The following DENND3 variants were observed in gnomAD, a reference collection of about 807,000 sequenced individuals.
DENND3 encodes the protein DENN domain-containing protein 3.
In DENND3, 88 loss-of-function variants were observed where a neutral mutation model predicts 135.1. That is an observed-to-expected ratio of 0.65 (90% CI 0.55 to 0.78). DENND3 has a LOEUF of 0.78. DENND3 is among the 30% of genes least tolerant of loss of function. The probability of loss-of-function intolerance (pLI) is 0.00; values close to 1 mark genes in which losing one functional copy is unlikely to be tolerated. For synonymous variants in DENND3, 693 were observed against 712.3 expected (o/e 0.97, Z 0.43); for missense variants, 1,392 against 1,688.4 (o/e 0.82, Z 3.08).
In DENND3 at chr8:141,167,272, C is replaced by T. The variant is rs1820930648; in HGVS notation, c.1754-732C>T. On this transcript the variant is annotated intron_variant, in intron 12 of 22. Transcript: ENST00000519811. The surrounding 1 kb of genome is among the most constrained non-coding windows in gnomAD (Gnocchi z 4.1). ...CCTCCCTGGTTCTGCAGTTCCTCTT[C>T]TGAACATCTGTCAGTCTGCCGCTGG... Among the ~76,000 whole-genome samples the T allele has an allele frequency of 6.6e-6, 1 of 152,226 alleles. No homozygotes were observed. Among genetic ancestry groups the T allele is most frequent in the Non-Finnish European group, 1.5e-5 (1 of 68,042 alleles).
chr8:141,148,940 C>A (rs1309781131), intron 5 of DENND3, among the ~76,000 whole-genome samples: 1 of 147,180 alleles, frequency 6.8e-6, no homozygotes, highest in Non-Finnish European at 1.5e-5. Flanking sequence ...AGAGGAGTTT[C>A]GCTCTTGTTG....
In DENND3 at chr8:141,175,072, CCT is replaced by C; in HGVS notation, c.2276-127_2276-126del. On this transcript the variant is annotated intron_variant, in intron 13 of 22. Transcript: ENST00000519811. The surrounding 1 kb of genome is among the most constrained non-coding windows in gnomAD (Gnocchi z 5.4). Reference sequence around the variant, plus strand: ...CTTCTAGGCAGTTTCCATCCAGCGCCCTGAGTGCTGGCGCCACCTGCTGCCGG... The same window carrying C: ...CTTCTAGGCAGTTTCCATCCAGCGCCGAGTGCTGGCGCCACCTGCTGCCGG... 9.0e-7 allele frequency: 1 copy of C among 1,110,662 alleles called. No homozygotes were observed. The highest frequency in any genetic ancestry group is 2.4e-5 in the East Asian group (1 of 42,366). 68.8% of individuals were successfully genotyped at this position (1,110,662 alleles called of 1,614,324 possible).
At position 141,141,165 on chromosome 8, in the gene DENND3, G is replaced by T; in HGVS notation, c.502-38G>T. On this transcript the variant is annotated intron_variant, in intron 3 of 22. Transcript: ENST00000519811. The surrounding 1 kb of genome is among the most constrained non-coding windows in gnomAD (Gnocchi z 5.3). Reference sequence around the variant, plus strand: ...GGAAACAGATACTGGAATTGCCAAGGTGGGGAGGTGACCATGTCGCTGTTG... The same window carrying T: ...GGAAACAGATACTGGAATTGCCAAGTTGGGGAGGTGACCATGTCGCTGTTG... 1.2e-6 allele frequency: 2 copies of T among 1,613,978 alleles called. No homozygotes were observed. Among genetic ancestry groups the T allele is most frequent in the Non-Finnish European group, 1.7e-6 (2 of 1,179,948 alleles).
intron 2 of DENND3, 133 bp downstream of exon 2, chr8:141,136,924 G>A: frequency 1.3e-6 from 1 of 746,886 alleles, no homozygotes; most frequent in Non-Finnish European, 1.9e-6. Flanking sequence ...GCCTCCTCTT[G>A]TGGGATTTAG....
At chr8:141,143,204 C>T (rs533423247) in intron 4 of DENND3, among the ~76,000 whole-genome samples, 195 of 152,096 alleles carry the variant, frequency 1.3e-3, no homozygotes, top group African/African-American at 4.7e-3. Flanking sequence ...TATGTCTCCA[C>T]GTGGACAAAA....
chr8:141,158,290 A>G, intron 8 of DENND3: 2 of 1,285,870 alleles, frequency 1.6e-6, no homozygotes, highest in South Asian at 1.2e-5. Context: ...ACTTTCTGGT[A>G]AGCCACAGCT....
At chr8:141,188,852 A>G in intron 18 of DENND3, 134 bp from the exon 19 acceptor site, 3 of 1,216,714 alleles carry the variant, frequency 2.5e-6, no homozygotes, top group Non-Finnish European at 2.2e-6. Flanking sequence ...GGCTCCCAGG[A>G]CCCTGAGCCG....
intron 4 of DENND3, among the ~76,000 whole-genome samples, chr8:141,143,466 G>A (rs369258557): frequency 5.3e-5 from 8 of 152,112 alleles, no homozygotes; most frequent in East Asian, 1.9e-4. Flanking sequence ...GTGCAGTGCC[G>A]CTATCATAGC....
At position 141,175,097 on chromosome 8, in the gene DENND3, C is replaced by T. The variant is rs1822157984; in HGVS notation, c.2276-103C>T. On this transcript the variant is annotated intron_variant, in intron 13 of 22. Transcript: ENST00000519811. The surrounding 1 kb of genome is among the most constrained non-coding windows in gnomAD (Gnocchi z 5.4). ...CCTGAGTGCTGGCGCCACCTGCTGC[C>T]GGGTTCCGGTAGTGTGCGGTTTCTT... 16 of 1,395,642 alleles carry T rather than the reference C, an allele frequency of 1.1e-5. No individual in the cohort carries two copies. Among genetic ancestry groups the T allele is most frequent in the Admixed American group, 9.0e-5 (4 of 44,418 alleles). 86.5% of individuals were successfully genotyped at this position (1,395,642 alleles called of 1,614,324 possible).
At chr8:141,187,229 C>T in intron 18 of DENND3, among the ~76,000 whole-genome samples, 1 of 151,096 alleles carries the variant, frequency 6.6e-6, no homozygotes, top group East Asian at 1.9e-4. Context: ...GAGTATATAC[C>T]TAAGTATATA....
At chr8:141,185,982 G>C (rs1823840530) in intron 18 of DENND3, among the ~76,000 whole-genome samples, 1 of 150,646 alleles carries the variant, frequency 6.6e-6, no homozygotes, top group South Asian at 2.1e-4. Context: ...TTGCTCTGTT[G>C]CCCAGGCTGG....
In DENND3 at chr8:141,168,670, C is replaced by T. The variant is rs745706204; in HGVS notation, c.2275+145C>T. The T allele has an allele frequency of 1.3e-5, 13 of 1,034,842 alleles. No homozygotes were observed. Among genetic ancestry groups the T allele is most frequent in the Admixed American group, 2.9e-5 (1 of 34,382 alleles). The allele number at this position is 1,034,842 out of a possible 1,614,324, so 64.1% of individuals were successfully genotyped here. ...AAGCAGTCCTCCCACCTCAGCCTCC[C>T]GAGTAGCTGGGACTAGACTACAGGT... is the stretch of plus-strand genomic sequence containing the variant. On this transcript the variant is annotated intron_variant, in intron 13 of 22. Coordinates refer to ENST00000519811, the MANE Select transcript of DENND3 (RefSeq NM_001352890.3). The surrounding 1 kb of genome is among the most constrained non-coding windows in gnomAD (Gnocchi z 6.2).
chr8:141,175,113 G>T lies in DENND3; in HGVS notation c.2276-87G>T. On this transcript the variant is annotated intron_variant, in intron 13 of 22. Coordinates refer to ENST00000519811, the MANE Select transcript of DENND3 (RefSeq NM_001352890.3). This position sits in a 1 kb window ranked among gnomAD's most constrained non-coding sequence, Gnocchi z 5.4. ...ACCTGCTGCCGGGTTCCGGTAGTGTGCGGTTTCTTCAGGTCATGGAGAAGC... is the reference window on the plus strand; with the variant it reads ...ACCTGCTGCCGGGTTCCGGTAGTGTTCGGTTTCTTCAGGTCATGGAGAAGC... 1 of 1,474,476 alleles carries T rather than the reference G, an allele frequency of 6.8e-7. No homozygotes were observed. Among genetic ancestry groups the T allele is most frequent in the Middle Eastern group, 2.0e-4 (1 of 5,018 alleles). 91.3% of individuals were successfully genotyped at this position (1,474,476 alleles called of 1,614,324 possible).
Position 141,155,859 on chromosome 8 carries a change from G to T in DENND3, c.1085G>T (p.Gly362Val), listed in dbSNP as rs1182679247. Residue 362 changes from glycine to valine, a missense_variant, in exon 8 of 23, where the codon GGT becomes GTT. Coordinates refer to ENST00000519811, the MANE Select transcript of DENND3 (RefSeq NM_001352890.3). The stretch of plus-strand genomic sequence containing the variant: ...TTCCTTGTTTTCTAGGAAGCCGACG[G>T]TTTAGTTCTGATAAATATTGATCAT... ...HFEEVSKEAD[G>V]LVLINIDHGS... 1 of 1,599,230 alleles carries T rather than the reference G, an allele frequency of 6.3e-7. No individual in the cohort carries two copies. Among genetic ancestry groups the T allele is most frequent in the East Asian group, 2.3e-5 (1 of 44,374 alleles).
chr8:141,151,435 G>T (rs1329846662), intron 6 of DENND3, among the ~76,000 whole-genome samples, 184 bp from the exon 7 acceptor site: 1 of 152,160 alleles, frequency 6.6e-6, no homozygotes, highest in Non-Finnish European at 1.5e-5. Context: ...GAGGCACGTT[G>T]CTGTGGTCCC....
At chr8:141,173,735 GTCACAGGTACTC>G in intron 13 of DENND3, 1 of 152,396 alleles carries the variant, frequency 6.6e-6, no homozygotes, top group South Asian at 2.1e-4. Flanking sequence ...AGGATCTGAG[GTCACAGGTACTC>G]CCCTTTCAAG....
intron 19 of DENND3, among the ~76,000 whole-genome samples, chr8:141,189,522 C>G (rs1824405671): frequency 2.0e-5 from 3 of 152,230 alleles, no homozygotes; most frequent in African/African-American, 7.2e-5. Flanking sequence ...CCTTGGGCTG[C>G]CTGTTCGCTG....
chr8:141,142,300 G>A (rs749278765), intron 4 of DENND3: 6 of 446,098 alleles, frequency 1.3e-5, no homozygotes, highest in South Asian at 9.6e-5. Flanking sequence ...TTGATTAAAG[G>A]CCGAGGAGAA....
At position 141,189,108 on chromosome 8, in the gene DENND3, C is replaced by G. The variant is rs3739228; in HGVS notation, c.3207C>G (p.Val1069=). The change falls in exon 19 of 23, where the codon GTC becomes GTG. Residue 1069 remains valine, a synonymous_variant. Transcript: ENST00000519811. ...NKQLTAHCSS[V]TDLIVQDGQE... is the part of the protein sequence containing the mutation. ...AGCTCACAGCCCACTGCTCCAGTGT[C>G]ACGGATTTGATTGTGCAGGACGGAC... The G allele has an allele frequency of 3.3e-3, 5,303 of 1,614,216 alleles. 266 individuals are homozygous for G. In the East Asian group the frequency reaches 0.095, roughly 29 times the overall value.
Sources: gnomAD v4.1 joint callset for allele counts (sites outside exome capture counted in the v4.1 genomes callset) on GRCh38, gnomAD v4.1.1 for gene constraint, Gnocchi (gnomAD v3.1) non-coding constraint, MANE v1.5 for transcripts, NCBI Gene and HGNC (gene_info 2026-07-23, HGNC 2026-07-21) for gene names.